The following MAML2 variants were observed in gnomAD, a reference collection of about 807,000 sequenced individuals.
MAML2 encodes mastermind like transcriptional coactivator 2, also known as mastermind-like protein 2.
In MAML2, 22 loss-of-function variants were observed where a neutral mutation model predicts 96.1. The ratio of observed to expected loss-of-function variants is 0.23; its 90% CI spans 0.16 to 0.33. The LOEUF (loss-of-function observed/expected upper bound fraction) is 0.33, where lower values mean the gene tolerates loss of function less well. Among genes scored for constraint, MAML2 ranks in the 10% least tolerant of loss-of-function variants. MAML2 has a pLI of 1.00. For missense variants in MAML2, 1,367 were observed against 1,392.4 expected (o/e 0.98, Z 0.29); for synonymous variants, 561 against 521.3 (o/e 1.08, Z -1.04).
rs148241042 is a variant in MAML2, at chr11:95,996,706, C to T, written c.2140-4983G>A. 6.5e-3 allele frequency among the ~76,000 whole-genome samples: 990 copies of T among 152,258 alleles called. 10 individuals carry two copies. Among genetic ancestry groups the T allele is most frequent in the Non-Finnish European group, 9.9e-3 (671 of 68,000 alleles). On this transcript the variant is annotated intron_variant, in intron 2 of 4. Transcript: ENST00000524717. ...CTTATGTTTGCTGTAAAACACAAAA[C>T]ACCTCCTTATACAAGCTTGCTGTCA...
intron 1 of MAML2, among the ~76,000 whole-genome samples, chr11:96,302,341 T>G (rs188686840): frequency 6.6e-6 from 1 of 152,340 alleles, no homozygotes; most frequent in East Asian, 1.9e-4. Flanking sequence ...AATCCTGTTA[T>G]GTACTTTCAT....
intron 1 of MAML2, among the ~76,000 whole-genome samples, chr11:96,128,889 A>C (rs893998326): frequency 2.0e-5 from 3 of 152,230 alleles, no homozygotes; most frequent in African/African-American, 4.8e-5. Flanking sequence ...AAAAGTATAG[A>C]GTATGAGTGA....
chr11:96,275,831 A>T (rs1041958580), intron 1 of MAML2, among the ~76,000 whole-genome samples: 1 of 152,126 alleles, frequency 6.6e-6, no homozygotes, highest in East Asian at 1.9e-4. Flanking sequence ...TACCTACCTA[A>T]TTATATCTAT....
chr11:96,100,865 C>G (rs969538385), intron 1 of MAML2, among the ~76,000 whole-genome samples: 1 of 151,756 alleles, frequency 6.6e-6, no homozygotes, highest in African/African-American at 2.4e-5. Flanking sequence ...TTCCCCTCAG[C>G]CACTGGAGTA....
At chr11:96,073,693 G>T (rs1436075814) in intron 2 of MAML2, among the ~76,000 whole-genome samples, 2 of 152,116 alleles carry the variant, frequency 1.3e-5, no homozygotes, top group Non-Finnish European at 2.9e-5. Context: ...AGTATGATGT[G>T]GTTGGCAGTG....
intron 1 of MAML2, among the ~76,000 whole-genome samples, chr11:96,124,052 G>A (rs1027488578): frequency 4.5e-5 from 6 of 132,864 alleles, no homozygotes; most frequent in Admixed American, 1.8e-4. Flanking sequence ...CCTGGGCAAC[G>A]AGCAACGAGC....
At chr11:96,322,561 G>A (rs867182911) in intron 1 of MAML2, among the ~76,000 whole-genome samples, 44 of 151,914 alleles carry the variant, frequency 2.9e-4, no homozygotes, top group African/African-American at 1.0e-3. Context: ...GCGTAGTGGC[G>A]GGCGCCTGTA....
At chr11:96,069,788 G>A (rs530673317) in intron 2 of MAML2, among the ~76,000 whole-genome samples, 1 of 152,150 alleles carries the variant, frequency 6.6e-6, no homozygotes, top group Non-Finnish European at 1.5e-5. Context: ...ACTTTGGGAG[G>A]CCGAGGCGGG....
intron 2 of MAML2, among the ~76,000 whole-genome samples, chr11:96,069,549 C>A (rs1859307044): frequency 6.6e-6 from 1 of 152,042 alleles, no homozygotes; most frequent in African/African-American, 2.4e-5. Context: ...GTGGCACATG[C>A]CTGTAGTCTC....
intron 1 of MAML2, among the ~76,000 whole-genome samples, chr11:96,208,607 G>A (rs1861926174): frequency 6.6e-6 from 1 of 152,136 alleles, no homozygotes. Flanking sequence ...GATGAATTTT[G>A]AGTTTGTTAA....
intron 2 of MAML2, among the ~76,000 whole-genome samples, chr11:96,030,954 T>C (rs1231879928): frequency 6.6e-6 from 1 of 152,208 alleles, no homozygotes; most frequent in Non-Finnish European, 1.5e-5. Context: ...ATGCATTCTC[T>C]CTTTCCTTCC....
chr11:96,201,523 T>C (rs1050299490), intron 1 of MAML2, among the ~76,000 whole-genome samples: 6 of 152,186 alleles, frequency 3.9e-5, no homozygotes, highest in Non-Finnish European at 7.4e-5. Flanking sequence ...GACCTATTTG[T>C]AGACAAAAAA....
chr11:96,216,049 T>A (rs937581728), intron 1 of MAML2, among the ~76,000 whole-genome samples: 8 of 151,578 alleles, frequency 5.3e-5, no homozygotes, highest in Admixed American at 6.6e-5. Flanking sequence ...AAAAAAAAAA[T>A]AGAGTATTTA....
chr11:96,158,815 C>T (rs1334913798), intron 1 of MAML2, among the ~76,000 whole-genome samples: 1 of 152,128 alleles, frequency 6.6e-6, no homozygotes, highest in Non-Finnish European at 1.5e-5. Context: ...AAGGCTTCAT[C>T]GTCCCAGACT....
rs1480113038 is a variant in MAML2 at position 96,264,614 on chromosome 11, T to G, written c.513+76769A>C. Among the ~76,000 whole-genome samples, 3 of 152,198 alleles carry G rather than the reference T, an allele frequency of 2.0e-5. No individual in the cohort carries two copies. The East Asian group carries it at 5.8e-4, about 29-fold the overall frequency. On this transcript the variant is annotated intron_variant, in intron 1 of 4. Coordinates refer to ENST00000524717, the MANE Select transcript of MAML2 (RefSeq NM_032427.4). ...TTTCCTTAGCTTTATCTTAACCATCTTGGAATGTCTCCTCATCCACTCTAC... is the reference window on the plus strand; with the variant it reads ...TTTCCTTAGCTTTATCTTAACCATCGTGGAATGTCTCCTCATCCACTCTAC...
chr11:96,245,365 A>C (rs1021869890), intron 1 of MAML2, among the ~76,000 whole-genome samples: 2 of 152,166 alleles, frequency 1.3e-5, no homozygotes, highest in African/African-American at 4.8e-5. Context: ...TAGTATATTA[A>C]TGCCATGTGA....
intron 1 of MAML2, among the ~76,000 whole-genome samples, chr11:96,108,094 A>T (rs1860055208): frequency 6.6e-6 from 1 of 152,248 alleles, no homozygotes; most frequent in South Asian, 2.1e-4. Flanking sequence ...TGTGACTGGC[A>T]TCTGAAGTGA....
intron 1 of MAML2, among the ~76,000 whole-genome samples, chr11:96,099,742 T>C (rs576577839): frequency 6.6e-6 from 1 of 152,296 alleles, no homozygotes; most frequent in Admixed American, 6.5e-5. Context: ...AGCAAATTAA[T>C]GGTTCCACCA....
intron 1 of MAML2, among the ~76,000 whole-genome samples, chr11:96,293,129 C>T (rs550393277): frequency 6.6e-6 from 1 of 152,250 alleles, no homozygotes; most frequent in African/African-American, 2.4e-5. Flanking sequence ...CATGGACAAC[C>T]ATGTGTCTCT....
Sources: allele counts gnomAD v4.1 joint callset (sites outside exome capture counted in the v4.1 genomes callset), GRCh38; gene constraint gnomAD v4.1.1; transcripts MANE v1.5; gene names NCBI Gene and HGNC (gene_info 2026-07-23, HGNC 2026-07-21).